Variants in SHARPIN observed in about 807,000 individuals in gnomAD.
SHARPIN encodes the protein hSIPL1.
A neutral mutation model predicts 40.3 loss-of-function variants in SHARPIN; 25 were observed. The ratio of observed to expected loss-of-function variants is 0.62; its 90% CI spans 0.45 to 0.87. The LOEUF (loss-of-function observed/expected upper bound fraction) is 0.87, where lower values mean the gene tolerates loss of function less well. SHARPIN is among the 40% of genes least tolerant of loss of function. The pLI is 0.00. For missense variants in SHARPIN, 551 were observed against 516.1 expected, an observed-to-expected ratio of 1.07 and a Z score of -0.66; for synonymous variants, 274 against 221.8, an observed-to-expected ratio of 1.24 and a Z score of -2.09.
intron 5 of SHARPIN, 28 bp from the exon 6 acceptor site, chr8:144,099,458 T>G: frequency 6.2e-7 from 1 of 1,608,898 alleles, no homozygotes; most frequent in African/African-American, 1.3e-5. Context: ...GGGCAGGTGA[T>G]GTCACCTAGG....
chr8:144,099,325 C>T lies in SHARPIN; in HGVS notation c.874G>A (p.Gly292Arg), dbSNP rs774802799. ...SLASYGVRQD[G>R]DPAFLYLLSA... Reference sequence around the variant, plus strand: ...AGCAAGTAGAGGAAAGCAGGGTCCCCATCCTGCCGAACCCCGTAAGAGGCA... The same window carrying T: ...AGCAAGTAGAGGAAAGCAGGGTCCCTATCCTGCCGAACCCCGTAAGAGGCA... Residue 292 changes from glycine (G) to arginine (R), a missense_variant, in exon 6 of 9, where the codon GGG (glycine) becomes AGG (arginine). Physicochemically the swap from Gly to Arg is moderately radical, Grantham distance 125 (BLOSUM62 -2). Coordinates refer to ENST00000398712, the MANE Select transcript of SHARPIN (RefSeq NM_030974.4). The T allele has an allele frequency of 2.5e-6, 4 of 1,614,146 alleles. No homozygotes were observed. Among genetic ancestry groups the T allele is most frequent in the South Asian group, 2.2e-5 (2 of 91,090 alleles).
chr8:144,103,494 G>A, intron 1 of SHARPIN, 59 bp downstream of exon 1: 2 of 1,495,322 alleles, frequency 1.3e-6, no homozygotes, highest in Non-Finnish European at 9.0e-7. Flanking sequence ...GCCTAACTTT[G>A]GGCTCCGTGC....
rs2129985302 is a variant in SHARPIN at position 144,099,951 on chromosome 8, G to A, written c.495C>T (p.Ser165=). The A allele has an allele frequency of 6.2e-7, 1 of 1,612,784 alleles. No homozygotes were observed. Among genetic ancestry groups the A allele is most frequent in the Non-Finnish European group, 8.5e-7 (1 of 1,179,492 alleles). The change falls in exon 3 of 9, where the codon AGC becomes AGT. Residue 165 remains serine (S), a synonymous_variant. Coordinates refer to ENST00000398712, the MANE Select transcript of SHARPIN (RefSeq NM_030974.4). ...TACCTCTCTCCGTCAAGTTTCCAGGGCTCCTAGGAAGATCTGCCTCAGGTG... is the reference window on the plus strand; with the variant it reads ...TACCTCTCTCCGTCAAGTTTCCAGGACTCCTAGGAAGATCTGCCTCAGGTG... The part of the protein sequence containing the change: ...GPPPEADLPR[S]PGNLTEREEL...
intron 2 of SHARPIN, among the ~76,000 whole-genome samples, chr8:144,101,865 G>A (rs1836293983): frequency 1.3e-5 from 2 of 152,164 alleles, no homozygotes; most frequent in South Asian, 4.1e-4. Context: ...CAGGGCAGCT[G>A]CTGAATACAT....
At position 144,098,738 on chromosome 8, in the gene SHARPIN, G is replaced by C. The variant is rs1319210033; in HGVS notation, c.*63C>G. On this transcript the variant is annotated 3_prime_UTR_variant, in exon 9 of 9. Transcript: ENST00000398712. ...AGTAGAGGTCCCCGGAGTTCAGTGGGGGCCTGGAGATGTCGGACTTGTGAG... is the reference window on the plus strand; with the variant it reads ...AGTAGAGGTCCCCGGAGTTCAGTGGCGGCCTGGAGATGTCGGACTTGTGAG... 1.6e-6 allele frequency: 1 copy of C among 616,568 alleles called. No individual in the cohort carries two copies. The highest frequency in any genetic ancestry group is 1.9e-5 in the African/African-American group (1 of 51,696). 38.2% of individuals were successfully genotyped at this position (616,568 alleles called of 1,614,324 possible). A position where few individuals can be genotyped will look rare whatever the true frequency, so the allele number is the denominator to read the frequency against.
At chr8:144,101,403 A>ATTTTTTTTT (rs34270727) in intron 2 of SHARPIN, among the ~76,000 whole-genome samples, 2 of 92,424 alleles carry the variant, frequency 2.2e-5, no homozygotes, top group Non-Finnish European at 3.9e-5. Flanking sequence ...CACTCAGCTA[A>ATTTTTTTTT]TTTTTTTTTT....
intron 2 of SHARPIN, among the ~76,000 whole-genome samples, chr8:144,101,575 AT>A (rs58173496): frequency 0.71 from 62,328 of 87,450 alleles, 23,113 homozygotes; most frequent in East Asian, 0.92. Context: ...CACCCAGCTA[AT>A]TTTTTTTTTT....
chr8:144,098,649 G>T lies in SHARPIN; in HGVS notation c.*152C>A. ...AAGGGATGCTTGCTGGCTCTTAAGG[G>T]TCTTTAATGGTTTCATTTTGTGGCC... On this transcript the variant is annotated 3_prime_UTR_variant, in exon 9 of 9. Coordinates refer to ENST00000398712, the MANE Select transcript of SHARPIN (RefSeq NM_030974.4). 2.4e-6 allele frequency: 1 copy of T among 423,580 alleles called. No individual in the cohort carries two copies. The highest frequency in any genetic ancestry group is 3.0e-5 in the South Asian group (1 of 33,102). The allele number at this position is 423,580 out of a possible 1,614,324, so 26.2% of individuals were successfully genotyped here.
At position 144,103,649 on chromosome 8, in the gene SHARPIN, T is replaced by TGGCCCGGCGCCC. The variant is rs754674690; in HGVS notation, c.93_104dup (p.Gly32_Pro35dup). 951 of 1,524,308 alleles carry TGGCCCGGCGCCC rather than the reference T, an allele frequency of 6.2e-4. 2 individuals carry two copies. Among genetic ancestry groups the TGGCCCGGCGCCC allele is most frequent in the South Asian group, 1.1e-3 (89 of 83,386 alleles). 94.4% of individuals were successfully genotyped at this position (1,524,308 alleles called of 1,614,324 possible). On this transcript the variant is annotated inframe_insertion, in exon 1 of 9. Transcript: ENST00000398712. Reference sequence around the variant, plus strand: ...GCCTCCGCAGCTGTGCCTCGGCGTCTGGCCCGGCGCCCAGCGGCCTCACCG... The same window carrying TGGCCCGGCGCCC: ...GCCTCCGCAGCTGTGCCTCGGCGTCTGGCCCGGCGCCCGGCCCGGCGCCCAGCGGCCTCACCG...
In SHARPIN at chr8:144,103,749, G is replaced by T. The variant is rs1052648302; in HGVS notation, c.5C>A (p.Ala2Glu). Residue 2 changes from alanine to glutamate, a missense_variant, in exon 1 of 9, where the codon GCG (alanine) becomes GAG (glutamate). By Grantham distance (107) the Ala-to-Glu change is moderately radical. Coordinates refer to ENST00000398712, the MANE Select transcript of SHARPIN (RefSeq NM_030974.4). The part of the protein sequence containing the change: M[A>E]PPAGGAAAAA... ...CGCCGCCGCCCCGCCCGCTGGCGGCGCCATCTCCGGTCCGGCCGGGTCCCA... is the reference window on the plus strand; with the variant it reads ...CGCCGCCGCCCCGCCCGCTGGCGGCTCCATCTCCGGTCCGGCCGGGTCCCA... The T allele has an allele frequency of 1.5e-6, 2 of 1,375,510 alleles. No homozygotes were observed. Among genetic ancestry groups the T allele is most frequent in the Non-Finnish European group, 1.9e-6 (2 of 1,071,186 alleles). The allele number at this position is 1,375,510 out of a possible 1,614,324, so 85.2% of individuals were successfully genotyped here.
At chr8:144,101,431 T>TG (rs1226319730) in intron 2 of SHARPIN, among the ~76,000 whole-genome samples, 1 of 124,364 alleles carries the variant, frequency 8.0e-6, no homozygotes, top group Non-Finnish European at 1.7e-5. Flanking sequence ...TTTTGTGAGA[T>TG]GGAGTCTCGC....
In SHARPIN at chr8:144,098,701, C is replaced by T. The variant is rs574460088; in HGVS notation, c.*100G>A. On this transcript the variant is annotated 3_prime_UTR_variant, in exon 9 of 9. Coordinates refer to ENST00000398712, the MANE Select transcript of SHARPIN (RefSeq NM_030974.4). ...TTCCCCCCAACCCTGGTGACTGTCC[C>T]AGCAAGCAGTCAGTAGAGGTCCCCG... 1 of 519,968 alleles carries T rather than the reference C, an allele frequency of 1.9e-6. No homozygotes were observed. Among genetic ancestry groups the T allele is most frequent in the South Asian group, 2.7e-5 (1 of 37,408 alleles). The allele number at this position is 519,968 out of a possible 1,614,324, so 32.2% of individuals were successfully genotyped here.
At chr8:144,102,409 G>C (rs1410291968) in intron 2 of SHARPIN, among the ~76,000 whole-genome samples, 1 of 151,998 alleles carries the variant, frequency 6.6e-6, no homozygotes, top group African/African-American at 2.4e-5. Context: ...AAGTAGCTGG[G>C]ACTACAGGCA....
Position 144,102,911 on chromosome 8 carries a change from C to T in SHARPIN, c.376+140G>A, listed in dbSNP as rs912257542. The stretch of plus-strand genomic sequence containing the variant: ...CAGCAGCCACTCCAAGTACTCCAAG[C>T]TACTCCAGGCTCCACCTACTCCCTC... On this transcript the variant is annotated intron_variant, in intron 2 of 8. Transcript: ENST00000398712. The T allele has an allele frequency of 7.9e-6, 8 of 1,009,018 alleles. No individual in the cohort carries two copies. In the African/African-American group the frequency reaches 1.1e-4, roughly 14 times the overall value. 62.5% of individuals were successfully genotyped at this position (1,009,018 alleles called of 1,614,324 possible). A position where few individuals can be genotyped will look rare whatever the true frequency, so the allele number is the denominator to read the frequency against.
At chr8:144,102,929 ACT>A in intron 2 of SHARPIN, 120 bp downstream of exon 2, 1 of 1,210,174 alleles carries the variant, frequency 8.3e-7, no homozygotes, top group Non-Finnish European at 1.2e-6. Context: ...GGCTCCACCT[ACT>A]CCCTCCTGGA....
chr8:144,103,422 G>A, intron 1 of SHARPIN, 131 bp downstream of exon 1: 3 of 1,139,562 alleles, frequency 2.6e-6, no homozygotes, highest in Non-Finnish European at 3.7e-6. Flanking sequence ...CCATTTCACG[G>A]ACGAGAAAAC....
In SHARPIN at chr8:144,098,822, TCTGCCCTGCCCCCCAC is replaced by T. The variant is rs2129977751; in HGVS notation, c.*12+28_*13-35del. 25 of 1,369,302 alleles carry T rather than the reference TCTGCCCTGCCCCCCAC, an allele frequency of 1.8e-5. No homozygotes were observed. The South Asian group carries it at 2.2e-4, about 12-fold the overall frequency. The allele number at this position is 1,369,302 out of a possible 1,614,324, so 84.8% of individuals were successfully genotyped here. A position where few individuals can be genotyped will look rare whatever the true frequency, so the allele number is the denominator to read the frequency against. On this transcript the variant is annotated intron_variant, in intron 8 of 8. Transcript: ENST00000398712. ...GAGGAGCTGGGTCATTCCTGTGGAT[TCTGCCCTGCCCCCCAC>T]CTCCCCTGCCTGTGCCACCTCTGGT... is the stretch of plus-strand genomic sequence containing the variant.
At chr8:144,100,388 G>A (rs949257907) in intron 2 of SHARPIN, among the ~76,000 whole-genome samples, 3 of 152,240 alleles carry the variant, frequency 2.0e-5, no homozygotes, top group South Asian at 4.1e-4. Context: ...AACCAAAGCA[G>A]GCCCTCAGTG....
chr8:144,099,204 G>A lies in SHARPIN; in HGVS notation c.924C>T (p.Ala308=). 1 of 1,607,194 alleles carries A rather than the reference G, an allele frequency of 6.2e-7. No individual in the cohort carries two copies. Among genetic ancestry groups the A allele is most frequent in the Non-Finnish European group, 8.5e-7 (1 of 1,177,312 alleles). Residue 308 remains alanine (A), a splice_region_variant and synonymous_variant, in exon 7 of 9, where the codon GCC becomes GCT. Transcript: ENST00000398712. ...YLLSAPREAP[A]TGPSPQHPQK... is the part of the protein sequence containing the mutation. ...GGGGGTGCTGAGGGCTAGGTCCTGT[G>A]GCTGAGGGGGTGGAGCTCAGGACTG...
Sources: allele counts gnomAD v4.1 joint callset (sites outside exome capture counted in the v4.1 genomes callset), GRCh38; gene constraint gnomAD v4.1.1; transcripts MANE v1.5; gene names NCBI Gene and HGNC (gene_info 2026-07-23, HGNC 2026-07-21).